HMGCLL1: variants seen among roughly 807,000 people sequenced by gnomAD.
HMGCLL1 encodes the protein 3-hydroxy-3-methylglutaryl-CoA lyase like 1, also known as 3-hydroxymethyl-3-methylglutaryl-CoA lyase, cytoplasmic.
In HMGCLL1, 36 loss-of-function variants were observed where a neutral mutation model predicts 39.1. That is an observed-to-expected ratio of 0.92 (90% CI 0.71 to 1.22). The LOEUF (loss-of-function observed/expected upper bound fraction) is 1.22. Among genes scored for constraint, HMGCLL1 ranks in the 50% most tolerant of loss-of-function variants. The pLI, the probability that HMGCLL1 is intolerant of heterozygous loss-of-function variation, is 0.00. For synonymous variants in HMGCLL1, 149 were observed against 144.0 expected (o/e 1.03, Z -0.25); for missense variants, 451 against 416.5 (o/e 1.08, Z -0.72).
the HMGCLL1 span, among the ~76,000 whole-genome samples, chr6:55,627,907 T>TCAGTTCTGTCCCTATAAGAGAACCCTG: frequency 8.7e-5 from 2 of 23,058 alleles, no homozygotes; most frequent in African/African-American, 4.2e-4. Flanking sequence ...ATAGTATATA[T>TCAGTTCTGTCCCTATAAGAGAACCCTG]ACTATATATA....
At chr6:55,624,490 T>A in the HMGCLL1 span, among the ~76,000 whole-genome samples, 1 of 152,208 alleles carries the variant, frequency 6.6e-6, no homozygotes, top group Admixed American at 6.5e-5. Flanking sequence ...TTTACTGTCC[T>A]ACCACAGGGG....
At chr6:55,658,985 A>T in the HMGCLL1 span, among the ~76,000 whole-genome samples, 1 of 151,974 alleles carries the variant, frequency 6.6e-6, no homozygotes, top group South Asian at 2.1e-4. Flanking sequence ...AAGAGGGGGC[A>T]GAGTCTATAT....
At chr6:55,460,929 C>T (rs181981309) in intron 7 of HMGCLL1, among the ~76,000 whole-genome samples, 2 of 151,866 alleles carry the variant, frequency 1.3e-5, no homozygotes, top group South Asian at 2.1e-4. Context: ...TATTTAACCA[C>T]GTAAAGTAAG....
intron 7 of HMGCLL1, among the ~76,000 whole-genome samples, chr6:55,463,546 C>A (rs1034025091): frequency 6.6e-6 from 1 of 152,128 alleles, no homozygotes; most frequent in Non-Finnish European, 1.5e-5. Flanking sequence ...TAAGAGCCTC[C>A]TGAAGTGAAA....
intron 7 of HMGCLL1, among the ~76,000 whole-genome samples, chr6:55,477,321 ATTATATT>A (rs1225672222): frequency 6.3e-5 from 1 of 15,986 alleles, no homozygotes; most frequent in South Asian, 1.7e-3. Context: ...TATAATATAT[ATTATATT>A]ATATAATATA....
chr6:55,586,729 C>A, the HMGCLL1 span, among the ~76,000 whole-genome samples: 1 of 151,988 alleles, frequency 6.6e-6, no homozygotes, highest in Non-Finnish European at 1.5e-5. Context: ...ATGAACTCAT[C>A]ATTTTTTATG....
chr6:55,628,263 C>G, the HMGCLL1 span, among the ~76,000 whole-genome samples: 2 of 123,818 alleles, frequency 1.6e-5, no homozygotes, highest in Admixed American at 2.1e-4. Context: ...ACATTTTTTT[C>G]TCTTTCAGCA....
intron 5 of HMGCLL1, among the ~76,000 whole-genome samples, chr6:55,509,858 T>C (rs997389141): frequency 2.6e-5 from 4 of 151,842 alleles, no homozygotes; most frequent in African/African-American, 7.2e-5. Flanking sequence ...GTGAGAAAAA[T>C]AGTAGACGAA....
rs1022874238 is a variant in HMGCLL1 at position 55,550,374 on chromosome 6, T to C, written c.109-8234A>G. On this transcript the variant is annotated intron_variant, in intron 1 of 8. Transcript: ENST00000274901. Reference sequence around the variant, plus strand: ...TACAGCGCCACTTTATCCAAGGTCATGCCCCCATCCTAACTGGAAAGGCCA... The same window carrying C: ...TACAGCGCCACTTTATCCAAGGTCACGCCCCCATCCTAACTGGAAAGGCCA... Among the ~76,000 whole-genome samples, 8 of 151,902 alleles carry C rather than the reference T, an allele frequency of 5.3e-5. 1 individual carries two copies. Among genetic ancestry groups the C allele is most frequent in the African/African-American group, 1.7e-4 (7 of 41,236 alleles).
chr6:55,656,538 T>C, the HMGCLL1 span, among the ~76,000 whole-genome samples: 5 of 151,866 alleles, frequency 3.3e-5, no homozygotes, highest in Non-Finnish European at 7.4e-5. Flanking sequence ...TTGATATCTC[T>C]CTTTTCATCC....
intron 2 of HMGCLL1, 77 bp from the exon 3 acceptor site, chr6:55,541,913 T>C (rs978776923): frequency 2.1e-6 from 2 of 959,184 alleles, no homozygotes; most frequent in African/African-American, 3.4e-5. Context: ...ACTTCCTAAG[T>C]CAAAGTGAGT....
intron 7 of HMGCLL1, among the ~76,000 whole-genome samples, chr6:55,474,724 A>G (rs1428078686): frequency 6.6e-6 from 1 of 151,428 alleles, no homozygotes; most frequent in Non-Finnish European, 1.5e-5. Context: ...TACACATTGT[A>G]TCTGGTAATA....
chr6:55,591,177 A>T, the HMGCLL1 span, among the ~76,000 whole-genome samples: 1 of 152,024 alleles, frequency 6.6e-6, no homozygotes, highest in Non-Finnish European at 1.5e-5. Flanking sequence ...TAGAGCTAGA[A>T]TTTGAATTCA....
chr6:55,510,511 A>T (rs931388616), intron 5 of HMGCLL1, among the ~76,000 whole-genome samples: 6 of 151,340 alleles, frequency 4.0e-5, no homozygotes, highest in Non-Finnish European at 8.9e-5. Flanking sequence ...TGAAATTGGA[A>T]ATCATCATTC....
intron 7 of HMGCLL1, among the ~76,000 whole-genome samples, chr6:55,489,171 A>T (rs1369140284): frequency 3.3e-5 from 5 of 152,048 alleles, no homozygotes; most frequent in African/African-American, 1.2e-4. Context: ...AGTGAGAAAA[A>T]ATTGAAAATA....
intron 7 of HMGCLL1, among the ~76,000 whole-genome samples, chr6:55,453,345 A>AT (rs942931177): frequency 6.6e-6 from 1 of 151,948 alleles, no homozygotes. Context: ...CGTCTGGCTA[A>AT]TTTTTTTGTA....
At chr6:55,509,510 G>A (rs1031128240) in intron 5 of HMGCLL1, among the ~76,000 whole-genome samples, 6 of 151,846 alleles carry the variant, frequency 4.0e-5, no homozygotes, top group South Asian at 2.1e-4. Flanking sequence ...TCAATGCAAC[G>A]TGACCTAGGT....
chr6:55,603,880 A>T, the HMGCLL1 span, among the ~76,000 whole-genome samples: 1 of 152,294 alleles, frequency 6.6e-6, no homozygotes, highest in African/African-American at 2.4e-5. Flanking sequence ...ACTAAAAAGC[A>T]GTGGTTTTCT....
the HMGCLL1 span, among the ~76,000 whole-genome samples, chr6:55,668,283 G>A: frequency 6.6e-6 from 1 of 151,930 alleles, no homozygotes; most frequent in South Asian, 2.1e-4. Context: ...CAGGATCTGT[G>A]ACAGGGTTAA....
Sources: allele counts gnomAD v4.1 joint callset (sites outside exome capture counted in the v4.1 genomes callset), GRCh38; gene constraint gnomAD v4.1.1; transcripts MANE v1.5; gene names NCBI Gene and HGNC (gene_info 2026-07-23, HGNC 2026-07-21).